DOCK2: variants seen among roughly 807,000 people sequenced by gnomAD.
The protein encoded by DOCK2 is dedicator of cytokinesis protein 2.
In DOCK2, 87 loss-of-function variants were observed where a neutral mutation model predicts 248.9. The observed-to-expected ratio is 0.35, with a 90% CI of 0.29 to 0.42. The LOEUF is 0.42. DOCK2 is among the 10% of genes least tolerant of loss of function. The probability of loss-of-function intolerance (pLI) is 1.00; values close to 1 mark genes in which losing one functional copy is unlikely to be tolerated. For missense variants in DOCK2, 1,747 were observed against 2,300.2 expected, an observed-to-expected ratio of 0.76 and a Z score of 4.92; for synonymous variants, 805 against 821.6, an observed-to-expected ratio of 0.98 and a Z score of 0.35.
At chr5:169,915,261 A>T (rs1465537368) in intron 27 of DOCK2, among the ~76,000 whole-genome samples, 1 of 152,230 alleles carries the variant, frequency 6.6e-6, no homozygotes, top group Non-Finnish European at 1.5e-5. Context: ...TATTTGGAGG[A>T]ATAATGCTAA....
chr5:170,011,045 T>G (rs959716397), intron 32 of DOCK2, among the ~76,000 whole-genome samples: 1 of 152,230 alleles, frequency 6.6e-6, no homozygotes, highest in Non-Finnish European at 1.5e-5. Context: ...GGAAGGGCCC[T>G]TCAAAGATCA....
chr5:169,890,204 C>A (rs1433084354), intron 27 of DOCK2, among the ~76,000 whole-genome samples: 1 of 152,206 alleles, frequency 6.6e-6, no homozygotes, highest in Non-Finnish European at 1.5e-5. Context: ...CATCTAATTA[C>A]TTTATGTGTT....
chr5:169,832,157 G>A (rs987814172), intron 26 of DOCK2, among the ~76,000 whole-genome samples: 1 of 152,184 alleles, frequency 6.6e-6, no homozygotes, highest in Non-Finnish European at 1.5e-5. Context: ...GATTTCAGTG[G>A]AGTTTTATAA....
intron 25 of DOCK2, among the ~76,000 whole-genome samples, chr5:169,779,951 C>T (rs1418517499): frequency 6.6e-6 from 1 of 152,150 alleles, no homozygotes; most frequent in African/African-American, 2.4e-5. Flanking sequence ...TGCATTTGCC[C>T]TCCCAGAGAG....
At position 169,672,692 on chromosome 5, in the gene DOCK2, A is replaced by G. The variant is rs557630083; in HGVS notation, c.321+1518A>G. Among the ~76,000 whole-genome samples the G allele has an allele frequency of 2.6e-5, 4 of 152,262 alleles. No homozygotes were observed. The South Asian group carries it at 8.3e-4, about 32-fold the overall frequency. On this transcript the variant is annotated intron_variant, in intron 5 of 51. Transcript: ENST00000520908. ...TCCCACAAGATTGCCCTCACTTTAG[A>G]TGCCAGTCGCAAGTCCTGGGTTCCC...
chr5:169,718,623 G>A, intron 21 of DOCK2, 34 bp from the exon 22 acceptor site: 2 of 1,598,098 alleles, frequency 1.3e-6, no homozygotes, highest in Non-Finnish European at 1.7e-6. Flanking sequence ...CATGATGAAA[G>A]AGATGTATTT....
At chr5:169,804,157 G>A (rs925428593) in intron 26 of DOCK2, among the ~76,000 whole-genome samples, 2 of 152,126 alleles carry the variant, frequency 1.3e-5, no homozygotes. Flanking sequence ...CGAAAACTCT[G>A]CAGAGCAATG....
intron 19 of DOCK2, among the ~76,000 whole-genome samples, chr5:169,714,659 G>A (rs1761805813): frequency 6.6e-6 from 1 of 152,128 alleles, no homozygotes; most frequent in African/African-American, 2.4e-5. Context: ...TGAATGTTGG[G>A]TGCCAGAAAA....
At chr5:169,666,950 G>A (rs1758768280) in intron 2 of DOCK2, among the ~76,000 whole-genome samples, 1 of 152,164 alleles carries the variant, frequency 6.6e-6, no homozygotes, top group South Asian at 2.1e-4. Flanking sequence ...AGAATATTGG[G>A]TGTAAGTGTC....
At chr5:169,668,035 A>G (rs111953404) in intron 2 of DOCK2, among the ~76,000 whole-genome samples, 2,278 of 152,294 alleles carry the variant, frequency 0.015, 33 homozygotes, top group Non-Finnish European at 0.023. Context: ...TATAGGAAGC[A>G]TAGGTGATAG....
At chr5:170,073,869 A>G (rs1757757527) in intron 46 of DOCK2, among the ~76,000 whole-genome samples, 2 of 152,212 alleles carry the variant, frequency 1.3e-5, no homozygotes, top group South Asian at 2.1e-4. Flanking sequence ...TTAATGTTGT[A>G]TCTTTTCAAA....
intron 22 of DOCK2, among the ~76,000 whole-genome samples, chr5:169,742,719 G>C (rs1284250655): frequency 6.6e-6 from 1 of 152,194 alleles, no homozygotes; most frequent in Non-Finnish European, 1.5e-5. Flanking sequence ...TTATGTACCT[G>C]CGTGAAAGAG....
At chr5:169,724,854 A>G (rs180701373) in intron 22 of DOCK2, among the ~76,000 whole-genome samples, 1 of 151,784 alleles carries the variant, frequency 6.6e-6, no homozygotes, top group Admixed American at 6.6e-5. Context: ...TCCTATGTAA[A>G]TATTGCATAG....
chr5:169,868,179 A>C (rs575321434), intron 27 of DOCK2, among the ~76,000 whole-genome samples: 1 of 152,366 alleles, frequency 6.6e-6, no homozygotes, highest in Admixed American at 6.5e-5. Context: ...ACCAGGTTCC[A>C]GGAACACAAC....
chr5:169,700,182 C>T (rs1227030631), intron 13 of DOCK2, 43 bp downstream of exon 13: 1 of 1,591,974 alleles, frequency 6.3e-7, no homozygotes, highest in African/African-American at 1.3e-5. Context: ...GACATAGGGG[C>T]CAATTCAGCT....
At chr5:169,894,444 T>C (rs1337482020) in intron 27 of DOCK2, among the ~76,000 whole-genome samples, 1 of 152,160 alleles carries the variant, frequency 6.6e-6, no homozygotes, top group Non-Finnish European at 1.5e-5. Flanking sequence ...TGTTGGGCCC[T>C]GGACTCTGCA....
intron 29 of DOCK2, among the ~76,000 whole-genome samples, chr5:169,991,156 G>A (rs973726836): frequency 2.0e-5 from 3 of 152,346 alleles, no homozygotes; most frequent in Non-Finnish European, 4.4e-5. Flanking sequence ...TGCAGCGCCT[G>A]TAGGACTCTG....
At chr5:169,716,436 G>T (rs1269108295) in intron 20 of DOCK2, 134 bp downstream of exon 20, 5 of 811,732 alleles carry the variant, frequency 6.2e-6, no homozygotes, top group Non-Finnish European at 9.6e-6. Context: ...TGTAATGTTT[G>T]GCAACAAGAC....
chr5:169,904,517 A>G (rs1158213346), intron 27 of DOCK2, among the ~76,000 whole-genome samples: 2 of 151,666 alleles, frequency 1.3e-5, no homozygotes, highest in African/African-American at 2.4e-5. Flanking sequence ...GGCCTGAGGG[A>G]GTGAGGTGGG....
Sources: gnomAD v4.1 joint callset for allele counts (sites outside exome capture counted in the v4.1 genomes callset) on GRCh38, gnomAD v4.1.1 for gene constraint, MANE v1.5 for transcripts, NCBI Gene and HGNC (gene_info 2026-07-23, HGNC 2026-07-21) for gene names.